GDPD5: variants seen among roughly 807,000 people sequenced by gnomAD.
The protein encoded by GDPD5 is glycerophosphodiester phosphodiesterase 2.
A neutral mutation model predicts 75.1 loss-of-function variants in GDPD5; 48 were observed. The observed-to-expected ratio is 0.64, with a 90% confidence interval of 0.51 to 0.81. The LOEUF (loss-of-function observed/expected upper bound fraction) is 0.81, where lower values mean the gene tolerates loss of function less well. GDPD5 is among the 40% of genes least tolerant of loss of function. GDPD5 has a pLI of 0.00. For synonymous variants in GDPD5, 336 were observed against 339.0 expected, an observed-to-expected ratio of 0.99 and a Z score of 0.10; for missense variants, 706 against 822.6, an observed-to-expected ratio of 0.86 and a Z score of 1.73.
At chr11:75,495,993 G>A (rs1379182295) in intron 1 of GDPD5, among the ~76,000 whole-genome samples, 2 of 152,244 alleles carry the variant, frequency 1.3e-5, no homozygotes, top group African/African-American at 2.4e-5. Flanking sequence ...TTCCAGGGCA[G>A]TAAGCACTCA....
intron 3 of GDPD5, among the ~76,000 whole-genome samples, chr11:75,473,714 T>C (rs992000621): frequency 6.6e-6 from 1 of 152,198 alleles, no homozygotes; most frequent in East Asian, 1.9e-4. Flanking sequence ...TCCCTGCACC[T>C]GAGCCGGTGG....
At chr11:75,523,475 C>A (rs188072256) in intron 1 of GDPD5, among the ~76,000 whole-genome samples, 1 of 152,296 alleles carries the variant, frequency 6.6e-6, no homozygotes, top group East Asian at 1.9e-4. Flanking sequence ...ATAACCTCCC[C>A]AGTCTTGGCA....
chr11:75,468,680 C>CA (rs1427872487), intron 3 of GDPD5, among the ~76,000 whole-genome samples: 1 of 125,382 alleles, frequency 8.0e-6, no homozygotes, highest in Non-Finnish European at 1.8e-5. Flanking sequence ...TCCCCCGACG[C>CA]CCCCCCCCCG....
intron 2 of GDPD5, among the ~76,000 whole-genome samples, chr11:75,481,301 C>T (rs1271482687): frequency 6.6e-6 from 1 of 152,244 alleles, no homozygotes; most frequent in Non-Finnish European, 1.5e-5. Flanking sequence ...CTCTGCCTAT[C>T]CCTCCAACAC....
chr11:75,473,989 C>T (rs535614870), intron 3 of GDPD5, among the ~76,000 whole-genome samples: 2 of 152,270 alleles, frequency 1.3e-5, no homozygotes, highest in South Asian at 4.1e-4. Context: ...ATACTTATGA[C>T]CCCAGAGCAG....
At chr11:75,437,176 A>G (rs1948648745) in intron 15 of GDPD5, 128 bp from the exon 16 acceptor site, 4 of 660,540 alleles carry the variant, frequency 6.1e-6, no homozygotes, top group Admixed American at 2.6e-5. Context: ...CCACTGTACA[A>G]TGGGGAAATA....
Position 75,435,636 on chromosome 11 carries a change from C to T in GDPD5, c.1689G>A (p.Glu563=). 2 of 1,610,964 alleles carry T rather than the reference C, an allele frequency of 1.2e-6. No homozygotes were observed. The highest frequency in any genetic ancestry group is 1.7e-6 in the Non-Finnish European group (2 of 1,178,288). The change falls in exon 17 of 17, where the codon GAG becomes GAA. Residue 563 remains glutamate, a synonymous_variant. Transcript: ENST00000336898. ...AACATACGGAGAGCACATCGGAGAC[C>T]TCTACACCATCGCTGATCTCTGCTG... The part of the protein sequence containing the change: ...LIFSEISDGV[E]VSDVLSVCSD...
At chr11:75,490,731 G>T (rs998510265) in intron 1 of GDPD5, 1 of 152,248 alleles carries the variant, frequency 6.6e-6, no homozygotes, top group African/African-American at 2.4e-5. Context: ...TGCCAAACCA[G>T]CTTGTTCTTC....
intron 14 of GDPD5, 124 bp downstream of exon 14, chr11:75,441,039 G>A: frequency 1.1e-6 from 1 of 930,008 alleles, no homozygotes; most frequent in Non-Finnish European, 1.7e-6. Flanking sequence ...CGCCCACCAT[G>A]GACTCCCCAC....
chr11:75,441,544 GT>G (rs1239495486), intron 13 of GDPD5, 101 bp downstream of exon 13: 10 of 68,500 alleles, frequency 1.5e-4, no homozygotes, highest in South Asian at 2.3e-4. Context: ...CTGCCCGACC[GT>G]GTGTGTGTGT....
chr11:75,449,590 A>ATG lies in GDPD5; in HGVS notation c.493_494dup (p.Val166MetfsTer29). On this transcript the variant is annotated frameshift_variant, in exon 8 of 17. Coordinates refer to ENST00000336898, the MANE Select transcript of GDPD5 (RefSeq NM_030792.8). LOFTEE classifies it high-confidence loss of function. The stretch of plus-strand genomic sequence containing the variant: ...TGGTGACTGCTGCCACAGCCCCCAC[A>ATG]TGCAGGAATGGCGCTGTGCCCTGTT... The ATG allele has an allele frequency of 6.3e-7, 1 of 1,584,364 alleles. No individual in the cohort carries two copies. The highest frequency in any genetic ancestry group is 8.6e-7 in the Non-Finnish European group (1 of 1,165,410).
Position 75,462,801 on chromosome 11 carries a change from T to C in GDPD5, c.206A>G (p.Tyr69Cys), listed in dbSNP as rs992173764. The change falls in exon 4 of 17, where the codon TAT becomes TGT. Residue 69 changes from tyrosine to cysteine, a missense_variant. Tyr to Cys is a radical substitution (Grantham distance 194, BLOSUM62 -2). Coordinates refer to ENST00000336898, the MANE Select transcript of GDPD5 (RefSeq NM_030792.8). ...LYFWWEVHNDYDEFNWYLYNR... is the reference protein window; with the variant it reads ...LYFWWEVHNDCDEFNWYLYNR... ...CCCTACTCACCAGTTGAATTCATCA[T>C]AGTCATTGTGGACTTCCCACCAGAA... 6.2e-7 allele frequency: 1 copy of C among 1,609,560 alleles called. No individual in the cohort carries two copies. The highest frequency in any genetic ancestry group is 1.7e-5 in the Admixed American group (1 of 59,884).
Position 75,496,867 on chromosome 11 carries a change from G to A in GDPD5, c.-144-6547C>T, listed in dbSNP as rs541445061. 3.9e-4 allele frequency among the ~76,000 whole-genome samples: 51 copies of A among 130,272 alleles called. No individual in the cohort carries two copies. In the East Asian group the frequency reaches 4.0e-3, roughly 10 times the overall value. 85.5% of individuals were successfully genotyped at this position (130,272 alleles called of 152,430 possible). A position where few individuals can be genotyped will look rare whatever the true frequency, so the allele number is the denominator to read the frequency against. On this transcript the variant is annotated intron_variant, in intron 1 of 16. Transcript: ENST00000336898. Reference sequence around the variant, plus strand: ...GCGATCACAGCTCACTGCAACCTCCGCCTCCCAGGCTCAAACAATCCTCCC... The same window carrying A: ...GCGATCACAGCTCACTGCAACCTCCACCTCCCAGGCTCAAACAATCCTCCC...
At chr11:75,485,464 C>G (rs560192786) in intron 2 of GDPD5, 11 of 151,698 alleles carry the variant, frequency 7.3e-5, no homozygotes, top group African/African-American at 2.7e-4. Flanking sequence ...ACTTTCCAAT[C>G]AATTTTACTG....
intron 6 of GDPD5, chr11:75,452,177 G>A (rs971419265): frequency 2.0e-5 from 3 of 152,254 alleles, no homozygotes; most frequent in African/African-American, 7.2e-5. Context: ...TGGCCTCTTA[G>A]GGGTATCTGG....
chr11:75,502,631 T>TC (rs1390201974), intron 1 of GDPD5, among the ~76,000 whole-genome samples: 2 of 152,006 alleles, frequency 1.3e-5, no homozygotes, highest in Non-Finnish European at 2.9e-5. Context: ...GGCGTCTCTG[T>TC]CCCCCCACTT....
intron 1 of GDPD5, among the ~76,000 whole-genome samples, chr11:75,490,907 C>T (rs999222017): frequency 9.2e-5 from 14 of 152,126 alleles, no homozygotes; most frequent in African/African-American, 2.9e-4. Flanking sequence ...TACCAACAGG[C>T]CACGGGAAGC....
At chr11:75,522,671 C>G (rs997821168) in intron 1 of GDPD5, among the ~76,000 whole-genome samples, 1 of 152,140 alleles carries the variant, frequency 6.6e-6, no homozygotes, top group Non-Finnish European at 1.5e-5. Context: ...TGCCTGCCCC[C>G]CCATATCCAA....
intron 1 of GDPD5, among the ~76,000 whole-genome samples, chr11:75,494,867 G>A (rs61897416): frequency 0.055 from 8,290 of 151,812 alleles, 333 homozygotes; most frequent in East Asian, 0.13. Context: ...CAGGAGAATC[G>A]CTTGAATCAG....
Sources: gnomAD v4.1 joint callset for allele counts (sites outside exome capture counted in the v4.1 genomes callset) on GRCh38, gnomAD v4.1.1 for gene constraint, MANE v1.5 for transcripts, NCBI Gene and HGNC (gene_info 2026-07-23, HGNC 2026-07-21) for gene names.